BEND5: variants seen among roughly 807,000 people sequenced by gnomAD.
The protein encoded by BEND5 is BEN domain-containing protein 5.
A neutral mutation model predicts 43.9 loss-of-function variants in BEND5; 22 were observed. The observed-to-expected ratio is 0.50, with a 90% CI of 0.36 to 0.72. The LOEUF is 0.72. Ranked by LOEUF, BEND5 falls within the 30% of genes least tolerant of loss-of-function variation. BEND5 has a pLI of 0.00. For synonymous variants in BEND5, 228 were observed against 225.9 expected (o/e 1.01, Z -0.08); for missense variants, 428 against 550.6 (o/e 0.78, Z 2.23).
At chr1:48,766,257 A>T (rs1644523781) in intron 1 of BEND5, among the ~76,000 whole-genome samples, 1 of 152,018 alleles carries the variant, frequency 6.6e-6, no homozygotes, top group Admixed American at 6.6e-5. Flanking sequence ...AAGAAACAAA[A>T]CTCTCCTCCT....
chr1:48,731,212 G>C (rs1030779195), intron 5 of BEND5, among the ~76,000 whole-genome samples: 5 of 152,004 alleles, frequency 3.3e-5, no homozygotes, highest in African/African-American at 1.2e-4. Context: ...AAATAATTAG[G>C]CTAAAAACAG....
chr1:48,776,111 A>T (rs1645066420), intron 1 of BEND5, among the ~76,000 whole-genome samples: 1 of 152,148 alleles, frequency 6.6e-6, no homozygotes, highest in Admixed American at 6.5e-5. Context: ...TCCCACCTAG[A>T]AGATCTGACA....
chr1:48,728,825 A>G (rs1369181034), intron 5 of BEND5, among the ~76,000 whole-genome samples: 2 of 152,230 alleles, frequency 1.3e-5, no homozygotes, highest in Non-Finnish European at 2.9e-5. Context: ...GTATGCAAGT[A>G]GTACTGGTTG....
At chr1:48,734,276 G>A (rs1348326161) in intron 5 of BEND5, among the ~76,000 whole-genome samples, 1 of 152,142 alleles carries the variant, frequency 6.6e-6, no homozygotes, top group Non-Finnish European at 1.5e-5. Flanking sequence ...TTGAATCTAG[G>A]CTCTGAAACC....
At chr1:48,771,633 C>G (rs745981147) in intron 1 of BEND5, among the ~76,000 whole-genome samples, 2 of 152,222 alleles carry the variant, frequency 1.3e-5, no homozygotes, top group Non-Finnish European at 2.9e-5. Context: ...AAAGTTTTCA[C>G]TCACTTTTTT....
chr1:48,764,562 A>C (rs56296962), intron 1 of BEND5, among the ~76,000 whole-genome samples: 14,261 of 152,240 alleles, frequency 0.094, 824 homozygotes, highest in East Asian at 0.17. Flanking sequence ...TGAGAAGGCA[A>C]GAAAAGGTGG....
Position 48,763,472 on chromosome 1 carries a change from G to C in BEND5, c.227-2002C>G, listed in dbSNP as rs140325081. Among the ~76,000 whole-genome samples, 283 of 152,048 alleles carry C rather than the reference G, an allele frequency of 1.9e-3. 1 individual carries two copies. The highest frequency in any genetic ancestry group is 6.8e-3 in the Middle Eastern group (2 of 294). ...AATTATCTTGCAATGGTGTTTTTTT[G>C]TGTGTGTGTATGTGTGTGTGTGAAA... On this transcript the variant is annotated intron_variant, in intron 1 of 5. Coordinates refer to ENST00000371833, the MANE Select transcript of BEND5 (RefSeq NM_024603.4).
chr1:48,751,873 A>T (rs551057271), intron 3 of BEND5, among the ~76,000 whole-genome samples: 1 of 152,286 alleles, frequency 6.6e-6, no homozygotes, highest in African/African-American at 2.4e-5. Context: ...GAGGGTCCTG[A>T]ATTGTTCGGC....
chr1:48,742,561 C>G (rs144263587), intron 4 of BEND5, 62 bp downstream of exon 4: 4 of 1,388,786 alleles, frequency 2.9e-6, no homozygotes, highest in Non-Finnish European at 3.8e-6. Flanking sequence ...CCACCATACT[C>G]TCCACCTTTA....
chr1:48,730,220 C>T (rs1647878956), intron 5 of BEND5, among the ~76,000 whole-genome samples: 1 of 152,116 alleles, frequency 6.6e-6, no homozygotes, highest in Non-Finnish European at 1.5e-5. Context: ...CAGGCATTCC[C>T]TCTCTACCCC....
chr1:48,767,484 A>G (rs1203650614), intron 1 of BEND5, among the ~76,000 whole-genome samples: 1 of 152,230 alleles, frequency 6.6e-6, no homozygotes, highest in East Asian at 1.9e-4. Context: ...AGCAAGACGG[A>G]TAAGACGTGA....
intron 1 of BEND5, among the ~76,000 whole-genome samples, chr1:48,775,703 A>C (rs980065378): frequency 6.6e-6 from 1 of 152,206 alleles, no homozygotes; most frequent in African/African-American, 2.4e-5. Flanking sequence ...TGGCAGGAAG[A>C]ACTGGAGCAT....
chr1:48,775,284 C>A (rs1273027622), intron 1 of BEND5, among the ~76,000 whole-genome samples: 2 of 152,090 alleles, frequency 1.3e-5, no homozygotes, highest in Non-Finnish European at 2.9e-5. Context: ...CCAGTTCTTC[C>A]ACTCTTCAAC....
At position 48,742,231 on chromosome 1, in the gene BEND5, G is replaced by C. The variant is rs149592020; in HGVS notation, c.894+392C>G. 3.4e-3 allele frequency among the ~76,000 whole-genome samples: 522 copies of C among 152,250 alleles called. 1 individual carries two copies. The highest frequency in any genetic ancestry group is 6.6e-3 in the South Asian group (32 of 4,818). Reference sequence around the variant, plus strand: ...ATGAACACAAACTGAGTTGTTATCTGTAAATAAGATACTTCATTTCCAGTT... The same window carrying C: ...ATGAACACAAACTGAGTTGTTATCTCTAAATAAGATACTTCATTTCCAGTT... On this transcript the variant is annotated intron_variant, in intron 4 of 5. Transcript: ENST00000371833.
intron 3 of BEND5, among the ~76,000 whole-genome samples, chr1:48,745,326 A>C (rs1473835899): frequency 6.6e-6 from 1 of 152,184 alleles, no homozygotes; most frequent in Non-Finnish European, 1.5e-5. Context: ...GAGAAGTAGA[A>C]ATCAGGGCTG....
chr1:48,728,452 T>A (rs1159960463), intron 5 of BEND5, among the ~76,000 whole-genome samples: 1 of 150,632 alleles, frequency 6.6e-6, no homozygotes, highest in Non-Finnish European at 1.5e-5. Flanking sequence ...AATCTTTTTA[T>A]AAATGTGCCC....
At chr1:48,737,528 T>C (rs1381305596) in intron 4 of BEND5, among the ~76,000 whole-genome samples, 1 of 152,130 alleles carries the variant, frequency 6.6e-6, no homozygotes, top group African/African-American at 2.4e-5. Flanking sequence ...CTGGATTTCA[T>C]CTCAAAGTTC....
intron 1 of BEND5, among the ~76,000 whole-genome samples, chr1:48,773,946 G>A (rs1644956487): frequency 6.6e-6 from 1 of 152,228 alleles, no homozygotes; most frequent in Non-Finnish European, 1.5e-5. Context: ...TTGATAAGTA[G>A]TGGTATAAAC....
chr1:48,728,193 A>G (rs1356228674), intron 5 of BEND5, 150 bp from the exon 6 acceptor site: 7 of 687,164 alleles, frequency 1.0e-5, no homozygotes, highest in African/African-American at 9.1e-5. Context: ...TTTGCATCAT[A>G]GAATGTACTT....
Sources: gnomAD v4.1 joint callset for allele counts (sites outside exome capture counted in the v4.1 genomes callset) on GRCh38, gnomAD v4.1.1 for gene constraint, MANE v1.5 for transcripts, NCBI Gene and HGNC (gene_info 2026-07-23, HGNC 2026-07-21) for gene names.